Variants in L3MBTL1 observed in about 807,000 individuals in gnomAD.
L3MBTL1 encodes lethal(3)malignant brain tumor-like protein 1.
A neutral mutation model predicts 105.3 loss-of-function variants in L3MBTL1; 75 were observed. The ratio of observed to expected loss-of-function variants is 0.71; its 90% CI spans 0.59 to 0.86. The LOEUF is 0.86. L3MBTL1 is among the 40% of genes least tolerant of loss of function. The pLI, the probability that L3MBTL1 is intolerant of heterozygous loss-of-function variation, is 0.00. For synonymous variants in L3MBTL1, 452 were observed against 436.2 expected (o/e 1.04, Z -0.45); for missense variants, 1,069 against 1,126.4 (o/e 0.95, Z 0.73).
chr20:43,513,361 G>A (rs2018189456), intron 1 of L3MBTL1, 115 bp from the exon 2 acceptor site: 2 of 1,054,936 alleles, frequency 1.9e-6, no homozygotes, highest in Admixed American at 2.6e-5. Context: ...TTCTCTGCAG[G>A]TCACGGGTTT....
In L3MBTL1 at chr20:43,528,809, C is replaced by T. The variant is rs372350316; in HGVS notation, c.951+64C>T. 3.3e-5 allele frequency: 41 copies of T among 1,256,054 alleles called. 1 individual carries two copies. The highest frequency in any genetic ancestry group is 3.7e-5 in the Non-Finnish European group (32 of 856,126). 77.8% of individuals were successfully genotyped at this position (1,256,054 alleles called of 1,614,324 possible). ...CCTAGCCTAGGGACACACCACCAACCTCAGGCCTTCTGGCGTTTTCTGTGT... is the reference window on the plus strand; with the variant it reads ...CCTAGCCTAGGGACACACCACCAACTTCAGGCCTTCTGGCGTTTTCTGTGT... On this transcript the variant is annotated intron_variant, in intron 8 of 21. Transcript: ENST00000418998.
intron 7 of L3MBTL1, among the ~76,000 whole-genome samples, chr20:43,518,153 CTT>C (rs35791307): frequency 4.3e-5 from 6 of 139,142 alleles, no homozygotes; most frequent in Admixed American, 7.2e-5. Flanking sequence ...CCCCCAACGC[CTT>C]TTTTTTTTTT....
intron 7 of L3MBTL1, among the ~76,000 whole-genome samples, chr20:43,522,799 T>TC (rs1378838981): frequency 1.4e-5 from 2 of 141,386 alleles, no homozygotes; most frequent in Non-Finnish European, 3.1e-5. Context: ...TTTTTTTTTT[T>TC]TCCTAAAGTA....
chr20:43,536,371 C>T (rs2019622100), intron 18 of L3MBTL1, 38 bp from the exon 19 acceptor site: 1 of 1,613,720 alleles, frequency 6.2e-7, no homozygotes, highest in Non-Finnish European at 8.5e-7. Context: ...GGGCCAGACA[C>T]TGATTCCCTG....
chr20:43,509,363 C>T (rs564333392), intron 1 of L3MBTL1, among the ~76,000 whole-genome samples: 60 of 151,888 alleles, frequency 4.0e-4, no homozygotes, highest in Non-Finnish European at 7.8e-4. Flanking sequence ...TAGCTGGGAC[C>T]ACAGGGGTGC....
chr20:43,540,208 C>G lies in L3MBTL1; in HGVS notation c.2231C>G (p.Pro744Arg), dbSNP rs1178529894. The change falls in exon 20 of 22, where the codon CCT (proline) becomes CGT (arginine). Residue 744 changes from proline to arginine, a missense_variant. By Grantham distance (103) the Pro-to-Arg change is moderately radical. Transcript: ENST00000418998. ...TTCATGTCAGCCCTGTCGGCCCACC[C>G]TGACCGCTCACTCTCAGTGTGCTGG... ...SLFMSALSAH[P>R]DRSLSVCWEQ... The G allele has an allele frequency of 3.1e-6, 5 of 1,613,600 alleles. No individual in the cohort carries two copies. Among genetic ancestry groups the G allele is most frequent in the Non-Finnish European group, 3.4e-6 (4 of 1,180,038 alleles).
At chr20:43,512,559 A>C (rs543733645) in intron 1 of L3MBTL1, among the ~76,000 whole-genome samples, 3 of 152,312 alleles carry the variant, frequency 2.0e-5, no homozygotes, top group African/African-American at 7.2e-5. Flanking sequence ...TAAAAAATTC[A>C]GTTCCTCAGT....
downstream of L3MBTL1, among the ~76,000 whole-genome samples, chr20:43,546,601 A>G (rs1255574273): frequency 6.6e-6 from 1 of 151,982 alleles, no homozygotes; most frequent in African/African-American, 2.4e-5. Context: ...CATAGGAGGG[A>G]TGGCGTCTCC....
intron 19 of L3MBTL1, chr20:43,539,785 G>C: frequency 5.8e-6 from 2 of 344,046 alleles, no homozygotes; most frequent in East Asian, 1.4e-4. Flanking sequence ...GGCTGAGCTT[G>C]TTTGGATGTT....
chr20:43,524,873 G>A (rs2018941523), intron 7 of L3MBTL1, among the ~76,000 whole-genome samples: 1 of 152,182 alleles, frequency 6.6e-6, no homozygotes, highest in Non-Finnish European at 1.5e-5. Flanking sequence ...TGTGTGTGGT[G>A]TGGAAAGGTG....
chr20:43,523,867 T>C (rs6130406), intron 7 of L3MBTL1, among the ~76,000 whole-genome samples: 16,502 of 151,784 alleles, frequency 0.11, 1,096 homozygotes, highest in East Asian at 0.32. Flanking sequence ...TGGTGGCGCA[T>C]ACCTGTAATC....
chr20:43,540,201 G>A lies in L3MBTL1; in HGVS notation c.2224G>A (p.Ala742Thr). ...GTCCCTCTTCATGTCAGCCCTGTCGGCCCACCCTGACCGCTCACTCTCAGT... is the reference window on the plus strand; with the variant it reads ...GTCCCTCTTCATGTCAGCCCTGTCGACCCACCCTGACCGCTCACTCTCAGT... Reference protein sequence around the residue: ...HQSLFMSALSAHPDRSLSVCW... With the variant: ...HQSLFMSALSTHPDRSLSVCW... Residue 742 changes from alanine to threonine, a missense_variant, in exon 20 of 22, where the codon GCC becomes ACC. Ala to Thr is a moderately conservative substitution (Grantham distance 58). Transcript: ENST00000418998. 6.2e-7 allele frequency: 1 copy of A among 1,613,470 alleles called. No individual in the cohort carries two copies. Among genetic ancestry groups the A allele is most frequent in the Non-Finnish European group, 8.5e-7 (1 of 1,180,030 alleles).
At chr20:43,537,769 T>G (rs776071180) in intron 19 of L3MBTL1, among the ~76,000 whole-genome samples, 4 of 152,182 alleles carry the variant, frequency 2.6e-5, no homozygotes, top group Non-Finnish European at 4.4e-5. Context: ...TCACCTGGTT[T>G]AGTGCACCTT....
rs751018156 is a variant in L3MBTL1 at position 43,530,364 on chromosome 20, C to T, written c.1137C>T (p.Asp379=). Residue 379 remains aspartate, a synonymous_variant, in exon 10 of 22, where the codon GAC becomes GAT. Transcript: ENST00000418998. ...TCTGGGTCAATGCCAACTCCCCTGA[C>T]ATTCACCCTGCTGGCTGGTTCGAGA... The part of the protein sequence containing the change: ...HDFWVNANSP[D]IHPAGWFEKT... 8.1e-6 allele frequency: 13 copies of T among 1,614,172 alleles called. No individual in the cohort carries two copies. In the South Asian group the frequency reaches 1.2e-4, roughly 15 times the overall value.
At position 43,530,981 on chromosome 20, in the gene L3MBTL1, CAT is replaced by C. The variant is rs2019308253; in HGVS notation, c.1284+93_1284+94del. On this transcript the variant is annotated intron_variant, in intron 11 of 21. Coordinates refer to ENST00000418998, the MANE Select transcript of L3MBTL1 (RefSeq NM_001377303.1). ...GTATCTGACTCATCAGAAGGGAGCT[CAT>C]GTGCTGGTTCTCTCAGCTTTGTTCT... The C allele has an allele frequency of 2.7e-5, 27 of 1,007,186 alleles. No individual in the cohort carries two copies. The South Asian group carries it at 4.1e-4, about 15-fold the overall frequency. The allele number at this position is 1,007,186 out of a possible 1,614,324, so 62.4% of individuals were successfully genotyped here. A position where few individuals can be genotyped will look rare whatever the true frequency, so the allele number is the denominator to read the frequency against.
chr20:43,534,960 A>G lies in L3MBTL1; in HGVS notation c.1825+18A>G. On this transcript the variant is annotated intron_variant, in intron 16 of 21. Coordinates refer to ENST00000418998, the MANE Select transcript of L3MBTL1 (RefSeq NM_001377303.1). ...TCCTCTCGGTGTGTACCCCTAGGGC[A>G]CTCTGATCTTTTCCTTTCCCCCCAG... 6.5e-7 allele frequency: 1 copy of G among 1,529,444 alleles called. No homozygotes were observed. The allele number at this position is 1,529,444 out of a possible 1,614,324, so 94.7% of individuals were successfully genotyped here.
At chr20:43,525,575 G>A (rs2018987442) in intron 7 of L3MBTL1, among the ~76,000 whole-genome samples, 1 of 150,460 alleles carries the variant, frequency 6.6e-6, no homozygotes, top group Non-Finnish European at 1.5e-5. Context: ...GGAGCCTTGG[G>A]ACTTACTTGG....
In L3MBTL1 at chr20:43,534,767, C is replaced by T. The variant is rs972972659; in HGVS notation, c.1711-61C>T. 8.0e-6 allele frequency: 10 copies of T among 1,246,324 alleles called. No homozygotes were observed. In the East Asian group the frequency reaches 1.7e-4, roughly 21 times the overall value. The allele number at this position is 1,246,324 out of a possible 1,614,324, so 77.2% of individuals were successfully genotyped here. A position where few individuals can be genotyped will look rare whatever the true frequency, so the allele number is the denominator to read the frequency against. On this transcript the variant is annotated intron_variant, in intron 15 of 21. Coordinates refer to ENST00000418998, the MANE Select transcript of L3MBTL1 (RefSeq NM_001377303.1). ...ACAGGTCCCAGGGATGGGGAGAGGACCTTCTGGCTGAGCTGGGCTCCATGA... is the reference window on the plus strand; with the variant it reads ...ACAGGTCCCAGGGATGGGGAGAGGATCTTCTGGCTGAGCTGGGCTCCATGA...
chr20:43,529,725 G>A (rs1055572735), intron 9 of L3MBTL1, among the ~76,000 whole-genome samples: 1 of 152,240 alleles, frequency 6.6e-6, no homozygotes. Flanking sequence ...CAGCAGACTT[G>A]AGCTGGGAGG....
Sources: allele counts gnomAD v4.1 joint callset (sites outside exome capture counted in the v4.1 genomes callset), GRCh38; gene constraint gnomAD v4.1.1; transcripts MANE v1.5; gene names NCBI Gene and HGNC (gene_info 2026-07-23, HGNC 2026-07-21).